The following TTC7B variants were observed in gnomAD, a reference collection of about 807,000 sequenced individuals.
TTC7B encodes tetratricopeptide repeat protein 7B.
Under a neutral mutation model 106.8 loss-of-function variants are expected in TTC7B, and 28 were observed. The observed-to-expected ratio is 0.26, with a 90% CI of 0.19 to 0.36. TTC7B has a LOEUF of 0.36. TTC7B is among the 10% of genes least tolerant of loss of function. The pLI, the probability that TTC7B is intolerant of heterozygous loss-of-function variation, is 1.00. For missense variants in TTC7B, 862 were observed against 1,076.4 expected (o/e 0.80, Z 2.79); for synonymous variants, 405 against 430.6 (o/e 0.94, Z 0.74).
chr14:90,627,289 G>A (rs940286092), intron 15 of TTC7B, among the ~76,000 whole-genome samples: 8 of 152,104 alleles, frequency 5.3e-5, no homozygotes, highest in African/African-American at 1.9e-4. Context: ...CCTGGCCCAT[G>A]TGAACACATT....
intron 4 of TTC7B, among the ~76,000 whole-genome samples, chr14:90,737,866 A>G (rs1180351216): frequency 6.6e-6 from 1 of 152,126 alleles, no homozygotes. Flanking sequence ...GTATGATTCT[A>G]TTTCTATGAA....
intron 13 of TTC7B, chr14:90,648,680 C>G (rs1885580315): frequency 6.6e-6 from 1 of 152,232 alleles, no homozygotes; most frequent in Admixed American, 6.5e-5. Context: ...AAGGTCCACT[C>G]AGTATATAGC....
intron 15 of TTC7B, among the ~76,000 whole-genome samples, chr14:90,628,142 T>G (rs1884532433): frequency 6.6e-6 from 1 of 152,234 alleles, no homozygotes; most frequent in Admixed American, 6.5e-5. Context: ...GGAAAATGAA[T>G]TGAACAAGTG....
At chr14:90,595,364 T>C (rs912961396) in intron 17 of TTC7B, among the ~76,000 whole-genome samples, 11 of 151,914 alleles carry the variant, frequency 7.2e-5, no homozygotes, top group Non-Finnish European at 1.5e-4. Context: ...AATAAATAAA[T>C]AATTAAAAAA....
chr14:90,735,252 T>G (rs1425387589), intron 4 of TTC7B, among the ~76,000 whole-genome samples: 1 of 152,154 alleles, frequency 6.6e-6, no homozygotes, highest in African/African-American at 2.4e-5. Context: ...ACGCCTGTAA[T>G]CCCAACACTT....
intron 4 of TTC7B, among the ~76,000 whole-genome samples, chr14:90,738,593 G>A (rs1201656261): frequency 6.6e-6 from 1 of 151,146 alleles, no homozygotes; most frequent in Admixed American, 6.6e-5. Flanking sequence ...GGAGACAAGA[G>A]CAAAACTCTG....
intron 19 of TTC7B, among the ~76,000 whole-genome samples, chr14:90,565,602 G>A (rs1890761296): frequency 6.6e-6 from 1 of 151,832 alleles, no homozygotes; most frequent in African/African-American, 2.4e-5. Context: ...GGGTTTCACT[G>A]TGTTGGCCAG....
intron 17 of TTC7B, among the ~76,000 whole-genome samples, chr14:90,604,519 A>C (rs1303662755): frequency 1.3e-5 from 2 of 152,150 alleles, no homozygotes; most frequent in Non-Finnish European, 2.9e-5. Context: ...GTGAGAGCTG[A>C]ACAAAGCGGG....
At chr14:90,777,073 T>TA (rs34763436) in intron 3 of TTC7B, among the ~76,000 whole-genome samples, 79 of 150,624 alleles carry the variant, frequency 5.2e-4, no homozygotes, top group African/African-American at 1.0e-3. Context: ...CTGTCTCTAC[T>TA]AAAAAAAAAT....
intron 5 of TTC7B, among the ~76,000 whole-genome samples, chr14:90,710,746 A>T (rs994685588): frequency 6.6e-6 from 1 of 152,224 alleles, no homozygotes; most frequent in African/African-American, 2.4e-5. Flanking sequence ...ATTTTTTAGC[A>T]ATAAAGTATT....
At chr14:90,766,177 A>G (rs1271004697) in intron 3 of TTC7B, among the ~76,000 whole-genome samples, 3 of 151,642 alleles carry the variant, frequency 2.0e-5, no homozygotes, top group Admixed American at 6.6e-5. Flanking sequence ...AAACCCTGAG[A>G]ATGGGGAGAA....
At chr14:90,729,273 A>G (rs1024216010) in intron 5 of TTC7B, among the ~76,000 whole-genome samples, 1 of 152,238 alleles carries the variant, frequency 6.6e-6, no homozygotes, top group South Asian at 2.1e-4. Flanking sequence ...GCTCTTAAAA[A>G]TGAAGAGGGA....
intron 6 of TTC7B, among the ~76,000 whole-genome samples, chr14:90,695,025 G>A (rs369146831): frequency 0.1 from 3,075 of 30,890 alleles, 307 homozygotes; most frequent in East Asian, 0.12. Context: ...ATAAATATAT[G>A]TATATTTTTT....
At chr14:90,766,420 A>C in intron 3 of TTC7B, 1 of 549,300 alleles carries the variant, frequency 1.8e-6, no homozygotes, top group South Asian at 2.1e-5. Flanking sequence ...AAAGTCAAGA[A>C]AATGATGTAT....
intron 19 of TTC7B, among the ~76,000 whole-genome samples, chr14:90,557,189 C>T (rs947127800): frequency 2.6e-4 from 40 of 152,288 alleles, no homozygotes; most frequent in African/African-American, 9.6e-4. Flanking sequence ...TTTGCGAGGG[C>T]CTCACTGTAC....
chr14:90,633,326 A>G (rs12432781), intron 15 of TTC7B, among the ~76,000 whole-genome samples: 22,788 of 152,240 alleles, frequency 0.15, 1,799 homozygotes, highest in East Asian at 0.21. Context: ...AGGAAACAAT[A>G]AAAATTCAAA....
chr14:90,654,343 A>G (rs1566820165), intron 12 of TTC7B, among the ~76,000 whole-genome samples: 1 of 152,224 alleles, frequency 6.6e-6, no homozygotes, highest in Non-Finnish European at 1.5e-5. Flanking sequence ...TAACAACAAC[A>G]TGATAAAAGA....
chr14:90,687,316 T>G (rs1887285777), intron 7 of TTC7B, among the ~76,000 whole-genome samples: 1 of 152,200 alleles, frequency 6.6e-6, no homozygotes, highest in Non-Finnish European at 1.5e-5. Flanking sequence ...ATGACTGCAT[T>G]TTCTGGAGCT....
At chr14:90,604,729 C>T (rs1052203271) in intron 17 of TTC7B, among the ~76,000 whole-genome samples, 1 of 152,052 alleles carries the variant, frequency 6.6e-6, no homozygotes, top group Non-Finnish European at 1.5e-5. Flanking sequence ...GGATGGGCTC[C>T]CCGGGTCAGA....
Sources: gnomAD v4.1 joint callset for allele counts (sites outside exome capture counted in the v4.1 genomes callset) on GRCh38, gnomAD v4.1.1 for gene constraint, MANE v1.5 for transcripts, NCBI Gene and HGNC (gene_info 2026-07-23, HGNC 2026-07-21) for gene names.